RABEP1: variants seen among roughly 807,000 people sequenced by gnomAD.
The protein encoded by RABEP1 is rabaptin, RAB GTPase binding effector protein 1.
Under a neutral mutation model 123.4 loss-of-function variants are expected in RABEP1, and 51 were observed. That is an observed-to-expected ratio of 0.41 (90% CI 0.33 to 0.52). RABEP1 has a LOEUF of 0.52. Ranked by LOEUF, RABEP1 falls within the 20% of genes least tolerant of loss-of-function variation. The pLI, the probability that RABEP1 is intolerant of heterozygous loss-of-function variation, is 0.16. For synonymous variants in RABEP1, 347 were observed against 355.2 expected (o/e 0.98, Z 0.26); for missense variants, 888 against 996.3 (o/e 0.89, Z 1.46).
intron 12 of RABEP1, among the ~76,000 whole-genome samples, chr17:5,369,151 G>GA (rs1287211836): frequency 2.6e-5 from 4 of 151,794 alleles, no homozygotes; most frequent in South Asian, 4.2e-4. Context: ...CAGGGGTTAT[G>GA]AAAAAAAACA....
intron 11 of RABEP1, among the ~76,000 whole-genome samples, chr17:5,367,443 T>TTG (rs777667988): frequency 2.0e-5 from 3 of 151,738 alleles, no homozygotes; most frequent in Non-Finnish European, 4.4e-5. Flanking sequence ...GGCTAATTTT[T>TTG]TATTTTTAGT....
chr17:5,286,236 C>T (rs149367126), intron 1 of RABEP1, among the ~76,000 whole-genome samples: 2 of 152,218 alleles, frequency 1.3e-5, no homozygotes, highest in African/African-American at 4.8e-5. Context: ...TGGCTCATGC[C>T]TGTAATCCCA....
chr17:5,294,048 C>T (rs1376532634), intron 1 of RABEP1, among the ~76,000 whole-genome samples: 1 of 152,086 alleles, frequency 6.6e-6, no homozygotes, highest in African/African-American at 2.4e-5. Context: ...GTAAAGTGAA[C>T]AGTCAGCAAA....
chr17:5,363,794 C>T (rs1036983954), intron 10 of RABEP1, among the ~76,000 whole-genome samples: 5 of 152,192 alleles, frequency 3.3e-5, no homozygotes, highest in African/African-American at 1.2e-4. Flanking sequence ...TTAATAAGTT[C>T]CCAGAAATTA....
intron 1 of RABEP1, among the ~76,000 whole-genome samples, chr17:5,300,565 G>C (rs930459960): frequency 6.6e-6 from 1 of 152,154 alleles, no homozygotes; most frequent in Non-Finnish European, 1.5e-5. Flanking sequence ...AAGGAAGTCA[G>C]TATGTGCTCC....
intron 14 of RABEP1, among the ~76,000 whole-genome samples, chr17:5,377,638 T>C (rs1911111712): frequency 6.6e-6 from 1 of 151,524 alleles, no homozygotes; most frequent in Non-Finnish European, 1.5e-5. Context: ...GCAATTCTGC[T>C]GCCTCAGCCT....
chr17:5,319,927 A>G (rs566004245), intron 2 of RABEP1, among the ~76,000 whole-genome samples: 2 of 152,324 alleles, frequency 1.3e-5, no homozygotes, highest in African/African-American at 2.4e-5. Context: ...TTGGTCTTCA[A>G]GAGGGAGTTG....
Position 5,332,153 on chromosome 17 carries a change from G to A in RABEP1, c.367+1G>A, listed in dbSNP as rs1452545233. The A allele has an allele frequency of 6.2e-7, 1 of 1,612,864 alleles. No individual in the cohort carries two copies. Among genetic ancestry groups the A allele is most frequent in the East Asian group, 2.2e-5 (1 of 44,872 alleles). ...GCTTCACTTCAGGCTGTTATGAAAGGTAAAGACAGAGAAAGATCAATTTTG... is the reference window on the plus strand; with the variant it reads ...GCTTCACTTCAGGCTGTTATGAAAGATAAAGACAGAGAAAGATCAATTTTG... On this transcript the variant is annotated splice_donor_variant, in intron 3 of 17. Transcript: ENST00000537505. LOFTEE classifies it high-confidence loss of function.
chr17:5,344,119 C>G (rs1907862564), intron 5 of RABEP1, among the ~76,000 whole-genome samples: 2 of 152,108 alleles, frequency 1.3e-5, no homozygotes, highest in African/African-American at 4.8e-5. Flanking sequence ...AAGAAGATAT[C>G]AATACCTCAT....
At chr17:5,304,758 AATTAGT>A (rs1014243847) in intron 1 of RABEP1, among the ~76,000 whole-genome samples, 28 of 152,312 alleles carry the variant, frequency 1.8e-4, no homozygotes, top group Middle Eastern at 3.4e-3. Context: ...GCATTACAGT[AATTAGT>A]ATTAGTTTGT....
chr17:5,300,455 ATG>A (rs1216895756), intron 1 of RABEP1, among the ~76,000 whole-genome samples: 6 of 152,094 alleles, frequency 3.9e-5, no homozygotes, highest in African/African-American at 9.7e-5. Context: ...CTTATCAGTG[ATG>A]TGTAGCCTTG....
intron 2 of RABEP1, among the ~76,000 whole-genome samples, chr17:5,330,426 T>C (rs1906421506): frequency 6.6e-6 from 1 of 152,226 alleles, no homozygotes; most frequent in South Asian, 2.1e-4. Flanking sequence ...CATTAACTCC[T>C]GTGATAACAA....
chr17:5,295,358 C>A (rs11650492), intron 1 of RABEP1, among the ~76,000 whole-genome samples: 41,277 of 149,880 alleles, frequency 0.28, 5,855 homozygotes, highest in African/African-American at 0.33. Context: ...CACTGCACTC[C>A]AGCCTGGGCA....
At chr17:5,374,193 A>G (rs1407935928) in intron 13 of RABEP1, among the ~76,000 whole-genome samples, 1 of 151,832 alleles carries the variant, frequency 6.6e-6, no homozygotes, top group Non-Finnish European at 1.5e-5. Flanking sequence ...CAGCCTCCCC[A>G]GTAGCTGGGA....
chr17:5,317,500 A>T (rs898375726), intron 2 of RABEP1, among the ~76,000 whole-genome samples: 1 of 152,170 alleles, frequency 6.6e-6, no homozygotes, highest in Non-Finnish European at 1.5e-5. Context: ...TTCCCCTAAA[A>T]TCAGAAACAG....
chr17:5,334,871 CCTTAAG>C (rs1567529587), intron 3 of RABEP1, among the ~76,000 whole-genome samples: 2 of 152,030 alleles, frequency 1.3e-5, no homozygotes, highest in Non-Finnish European at 2.9e-5. Context: ...TTGGAGTTGG[CCTTAAG>C]TTCGAATTCT....
chr17:5,296,872 T>C (rs2075088341), intron 1 of RABEP1, among the ~76,000 whole-genome samples: 1 of 152,210 alleles, frequency 6.6e-6, no homozygotes, highest in African/African-American at 2.4e-5. Flanking sequence ...TCTGAGCAGC[T>C]GGGACTACAG....
chr17:5,303,250 TA>T (rs1278190624), intron 1 of RABEP1, among the ~76,000 whole-genome samples: 1 of 152,138 alleles, frequency 6.6e-6, no homozygotes, highest in Admixed American at 6.6e-5. Context: ...TATTTTATTT[TA>T]TTTTTTTTGA....
In RABEP1 at chr17:5,381,516, T is replaced by C. The variant is rs752988801; in HGVS notation, c.2487+11T>C. ...TCACAGACCCTTCAGGTGAGGCATT[T>C]GGGGAACCACATACAGAGCACGAAG... On this transcript the variant is annotated intron_variant, in intron 17 of 17. Transcript: ENST00000537505. 6.2e-7 allele frequency: 1 copy of C among 1,611,518 alleles called. No individual in the cohort carries two copies. Among genetic ancestry groups the C allele is most frequent in the South Asian group, 1.1e-5 (1 of 90,478 alleles).
Sources: allele counts gnomAD v4.1 joint callset (sites outside exome capture counted in the v4.1 genomes callset), GRCh38; gene constraint gnomAD v4.1.1; transcripts MANE v1.5; gene names NCBI Gene and HGNC (gene_info 2026-07-23, HGNC 2026-07-21).